Variants in HS6ST3 observed in about 807,000 individuals in gnomAD.
HS6ST3 encodes the protein heparan sulfate 6-O-sulfotransferase 3, also known as heparan-sulfate 6-O-sulfotransferase 3.
HS6ST3 carries 12 observed loss-of-function variants against 36.7 expected under a neutral mutation model. The ratio of observed to expected loss-of-function variants is 0.33; its 90% CI spans 0.21 to 0.53. The LOEUF (loss-of-function observed/expected upper bound fraction) is 0.53, where lower values mean the gene tolerates loss of function less well. HS6ST3 is among the 20% of genes least tolerant of loss of function. The pLI is 0.95. For missense variants in HS6ST3, 584 were observed against 640.9 expected, an observed-to-expected ratio of 0.91 and a Z score of 0.96; for synonymous variants, 240 against 257.5, an observed-to-expected ratio of 0.93 and a Z score of 0.65.
At chr13:96,812,448 A>C (rs1056274192) in intron 1 of HS6ST3, among the ~76,000 whole-genome samples, 10 of 152,090 alleles carry the variant, frequency 6.6e-5, no homozygotes, top group Non-Finnish European at 1.0e-4. Context: ...CTAAGAATGG[A>C]GCATCTTCTA....
chr13:96,623,103 C>A (rs1251157121), intron 1 of HS6ST3, among the ~76,000 whole-genome samples: 1 of 151,834 alleles, frequency 6.6e-6, no homozygotes, highest in East Asian at 1.9e-4. Context: ...GAACTTTTTT[C>A]ATTTTATTTG....
chr13:96,590,227 A>C (rs777124727), intron 1 of HS6ST3, among the ~76,000 whole-genome samples: 3 of 152,062 alleles, frequency 2.0e-5, no homozygotes, highest in Non-Finnish European at 4.4e-5. Context: ...TGGATAGTAT[A>C]GTAGCTCTAT....
intron 1 of HS6ST3, among the ~76,000 whole-genome samples, chr13:96,603,868 G>T (rs2056429835): frequency 6.6e-6 from 1 of 152,098 alleles, no homozygotes; most frequent in East Asian, 1.9e-4. Context: ...TTACCCATGT[G>T]TCTACTTGAA....
chr13:96,656,996 T>TGA (rs1175623855), intron 1 of HS6ST3, among the ~76,000 whole-genome samples: 9,701 of 122,550 alleles, frequency 0.079, 257 homozygotes, highest in Non-Finnish European at 0.11. Context: ...TGTGTGTGTG[T>TGA]GTGAGAGAGA....
intron 1 of HS6ST3, among the ~76,000 whole-genome samples, chr13:96,383,112 G>T (rs141633120): frequency 2.2e-4 from 34 of 152,038 alleles, no homozygotes; most frequent in African/African-American, 7.7e-4. Flanking sequence ...AGAAAAATTC[G>T]TCAGTTATAT....
chr13:96,800,024 A>G (rs1217181342), intron 1 of HS6ST3, among the ~76,000 whole-genome samples: 1 of 143,062 alleles, frequency 7.0e-6, no homozygotes, highest in African/African-American at 2.6e-5. Flanking sequence ...GTATATATAT[A>G]TATGGAAGAG....
At chr13:96,495,160 G>A (rs757028079) in intron 1 of HS6ST3, among the ~76,000 whole-genome samples, 10 of 152,066 alleles carry the variant, frequency 6.6e-5, no homozygotes, top group East Asian at 3.9e-4. Flanking sequence ...TACACAGCCC[G>A]TTTATAACAC....
intron 1 of HS6ST3, among the ~76,000 whole-genome samples, chr13:96,551,931 G>A (rs771703670): frequency 1.3e-5 from 2 of 152,148 alleles, no homozygotes; most frequent in Non-Finnish European, 2.9e-5. Context: ...TTTATCTTCA[G>A]TTTGGCTTTA....
chr13:96,318,429 G>A (rs1279684600), intron 1 of HS6ST3, among the ~76,000 whole-genome samples: 1 of 152,192 alleles, frequency 6.6e-6, no homozygotes, highest in African/African-American at 2.4e-5. Flanking sequence ...CTACTTGGGA[G>A]GCTGAGGCAG....
intron 1 of HS6ST3, among the ~76,000 whole-genome samples, chr13:96,224,435 C>T (rs374566262): frequency 6.6e-6 from 1 of 152,136 alleles, no homozygotes; most frequent in Non-Finnish European, 1.5e-5. Flanking sequence ...GAACCTCCTA[C>T]CTCAGCCTGC....
intron 1 of HS6ST3, among the ~76,000 whole-genome samples, chr13:96,340,596 C>T (rs1029851991): frequency 1.3e-5 from 2 of 152,188 alleles, no homozygotes; most frequent in Non-Finnish European, 2.9e-5. Context: ...CACTAGGTGC[C>T]AAGACACTGA....
Position 96,251,434 on chromosome 13 carries a change from T to A in HS6ST3, c.707+159865T>A, listed in dbSNP as rs1442852790. ...TGTTTCTGTGGTAACAATTGGAATG[T>A]CTCCTCTTTCATTTATAATTTTATT... On this transcript the variant is annotated intron_variant, in intron 1 of 1. Coordinates refer to ENST00000376705, the MANE Select transcript of HS6ST3 (RefSeq NM_153456.4). Among the ~76,000 whole-genome samples, 6 of 152,120 alleles carry A rather than the reference T, an allele frequency of 3.9e-5. No homozygotes were observed. The East Asian group carries it at 9.6e-4, about 24-fold the overall frequency.
intron 1 of HS6ST3, among the ~76,000 whole-genome samples, chr13:96,189,311 G>C (rs2054278495): frequency 6.6e-6 from 1 of 152,092 alleles, no homozygotes; most frequent in Non-Finnish European, 1.5e-5. Flanking sequence ...CATGGGGGTT[G>C]TAACAGAGTC....
At position 96,801,882 on chromosome 13, in the gene HS6ST3, T is replaced by A. The variant is rs951961694; in HGVS notation, c.708-30608T>A. Among the ~76,000 whole-genome samples, 18 of 152,094 alleles carry A rather than the reference T, an allele frequency of 1.2e-4. 1 individual carries two copies. The highest frequency in any genetic ancestry group is 3.3e-4 in the Admixed American group (5 of 15,246). ...GAATAAATCATAATGGGATTTATCA[T>A]CTCACATGAACAGAACTCTAGAGGG... On this transcript the variant is annotated intron_variant, in intron 1 of 1. Coordinates refer to ENST00000376705, the MANE Select transcript of HS6ST3 (RefSeq NM_153456.4).
At chr13:96,124,935 A>G (rs986919046) in intron 1 of HS6ST3, among the ~76,000 whole-genome samples, 1 of 152,302 alleles carries the variant, frequency 6.6e-6, no homozygotes, top group Admixed American at 6.5e-5. Context: ...CTTGGAGGAT[A>G]TTTTACTGTG....
chr13:96,443,250 G>A (rs1399694055), intron 1 of HS6ST3, among the ~76,000 whole-genome samples: 1 of 151,794 alleles, frequency 6.6e-6, no homozygotes, highest in African/African-American at 2.4e-5. Context: ...AGCAGACTAG[G>A]CCGGGTGCGG....
At chr13:96,159,221 G>A (rs2054124953) in intron 1 of HS6ST3, among the ~76,000 whole-genome samples, 1 of 152,146 alleles carries the variant, frequency 6.6e-6, no homozygotes, top group African/African-American at 2.4e-5. Flanking sequence ...AGACAGGAAG[G>A]AAAGACACAA....
intron 1 of HS6ST3, among the ~76,000 whole-genome samples, chr13:96,128,032 T>C (rs2053959723): frequency 1.3e-5 from 2 of 152,218 alleles, no homozygotes; most frequent in Non-Finnish European, 2.9e-5. Context: ...GAATGGGGCT[T>C]GGGAATCTGT....
intron 1 of HS6ST3, among the ~76,000 whole-genome samples, chr13:96,765,816 T>A (rs1435113324): frequency 6.6e-6 from 1 of 152,140 alleles, no homozygotes; most frequent in Admixed American, 6.6e-5. Context: ...TGTTTTACTA[T>A]GAAACAGGTC....
Sources: allele counts gnomAD v4.1 joint callset (sites outside exome capture counted in the v4.1 genomes callset), GRCh38; gene constraint gnomAD v4.1.1; transcripts MANE v1.5; gene names NCBI Gene and HGNC (gene_info 2026-07-23, HGNC 2026-07-21).